The following ABHD12 variants were observed in gnomAD, a reference collection of about 807,000 sequenced individuals.
ABHD12 encodes the protein lysophosphatidylserine lipase ABHD12.
ABHD12 carries 43 observed loss-of-function variants against 58.3 expected under a neutral mutation model. The observed-to-expected ratio is 0.74, with a 90% confidence interval of 0.58 to 0.95. ABHD12 has a LOEUF of 0.95. Among genes scored for constraint, ABHD12 ranks in the 40% least tolerant of loss-of-function variants. The probability of loss-of-function intolerance (pLI) is 0.00; values close to 1 mark genes in which losing one functional copy is unlikely to be tolerated. For synonymous variants in ABHD12, 219 were observed against 211.2 expected (o/e 1.04, Z -0.32); for missense variants, 539 against 537.2 (o/e 1.00, Z -0.03).
At chr20:25,343,938 G>A (rs1332554282) in intron 1 of ABHD12, among the ~76,000 whole-genome samples, 1 of 152,188 alleles carries the variant, frequency 6.6e-6, no homozygotes, top group Non-Finnish European at 1.5e-5. Context: ...AGTGGGATTT[G>A]TCCCAGGTAT....
chr20:25,389,478 T>C (rs936909505), intron 1 of ABHD12, among the ~76,000 whole-genome samples: 1 of 152,180 alleles, frequency 6.6e-6, no homozygotes, highest in African/African-American at 2.4e-5. Context: ...GTGCCTCTGC[T>C]ACAACGCCTG....
At chr20:25,322,675 G>A (rs557601307) in intron 3 of ABHD12, among the ~76,000 whole-genome samples, 13 of 151,118 alleles carry the variant, frequency 8.6e-5, no homozygotes, top group South Asian at 6.3e-4. Context: ...GTGAGCCACC[G>A]CGCCTGGATG....
chr20:25,298,630 AAC>A (rs376913766), downstream of ABHD12, among the ~76,000 whole-genome samples: 69 of 152,318 alleles, frequency 4.5e-4, no homozygotes, highest in South Asian at 0.013. Flanking sequence ...GGGGATAAGA[AAC>A]ACACACACCT....
intron 3 of ABHD12, among the ~76,000 whole-genome samples, chr20:25,320,543 A>G (rs1342253862): frequency 2.0e-5 from 3 of 152,238 alleles, no homozygotes; most frequent in Admixed American, 6.5e-5. Context: ...TGACAGCTTC[A>G]GCAGGAGCGT....
intron 12 of ABHD12, chr20:25,295,108 A>G: frequency 1.4e-6 from 2 of 1,416,158 alleles, no homozygotes; most frequent in Non-Finnish European, 2.0e-6. Context: ...AGTGAACAGA[A>G]ATGCATTTGT....
chr20:25,304,712 C>T (rs1353202339), intron 10 of ABHD12, among the ~76,000 whole-genome samples: 1 of 151,930 alleles, frequency 6.6e-6, no homozygotes. Context: ...GGACTACAGG[C>T]GTGCACCACC....
intron 1 of ABHD12, among the ~76,000 whole-genome samples, chr20:25,386,351 C>T (rs1346041753): frequency 1.3e-5 from 2 of 150,130 alleles, no homozygotes; most frequent in African/African-American, 2.4e-5. Context: ...CTCCACCTCC[C>T]GGATTCATGC....
chr20:25,360,227 CTTTTTTTTTTTTTTT>C (rs576215687), intron 1 of ABHD12, among the ~76,000 whole-genome samples: 5 of 37,392 alleles, frequency 1.3e-4, no homozygotes, highest in East Asian at 8.8e-4. Context: ...GAACACGTTA[CTTTTTTTTTTTTTTT>C]TTTTTTTTTT....
chr20:25,331,538 T>G (rs532673359), intron 2 of ABHD12, among the ~76,000 whole-genome samples: 6 of 151,708 alleles, frequency 4.0e-5, no homozygotes, highest in Non-Finnish European at 8.8e-5. Flanking sequence ...GGAAAAAATG[T>G]TAAGGGCAGC....
chr20:25,353,505 A>G (rs1429901720), intron 1 of ABHD12, among the ~76,000 whole-genome samples: 1 of 152,214 alleles, frequency 6.6e-6, no homozygotes, highest in Non-Finnish European at 1.5e-5. Flanking sequence ...TGCAGCACTC[A>G]GGAGGGCACA....
At chr20:25,389,671 T>A (rs2090142626) in intron 1 of ABHD12, among the ~76,000 whole-genome samples, 1 of 152,178 alleles carries the variant, frequency 6.6e-6, no homozygotes. Context: ...CGCATTCATC[T>A]TCTACCCAAT....
At chr20:25,344,198 G>GT (rs2089489750) in intron 1 of ABHD12, among the ~76,000 whole-genome samples, 1 of 152,016 alleles carries the variant, frequency 6.6e-6, no homozygotes, top group South Asian at 2.1e-4. Flanking sequence ...CTAAGATTAG[G>GT]AACAAAGCAA....
In ABHD12 at chr20:25,319,357, T is replaced by A. The variant is rs146153706; in HGVS notation, c.542+842A>T. Among the ~76,000 whole-genome samples, 69 of 152,288 alleles carry A rather than the reference T, an allele frequency of 4.5e-4. 1 individual carries two copies. The East Asian group carries it at 0.013, about 28-fold the overall frequency. ...TCAGGAAAAGCATCTGAGATAAAACTGGGCAGGGCTGATTAACCAAAGAGT... is the reference window on the plus strand; with the variant it reads ...TCAGGAAAAGCATCTGAGATAAAACAGGGCAGGGCTGATTAACCAAAGAGT... On this transcript the variant is annotated intron_variant, in intron 4 of 12. Transcript: ENST00000339157.
At chr20:25,330,812 G>C (rs1224048035) in intron 2 of ABHD12, among the ~76,000 whole-genome samples, 10 of 152,144 alleles carry the variant, frequency 6.6e-5, no homozygotes, top group East Asian at 1.9e-4. Context: ...AAACCCATCT[G>C]TACATCACCA....
chr20:25,366,130 G>T (rs1212619670), intron 1 of ABHD12, among the ~76,000 whole-genome samples: 1 of 151,992 alleles, frequency 6.6e-6, no homozygotes, highest in Non-Finnish European at 1.5e-5. Flanking sequence ...TTTTCATTGG[G>T]CCTTGAACTT....
chr20:25,317,545 T>C (rs1600787974), intron 4 of ABHD12, among the ~76,000 whole-genome samples: 1 of 152,208 alleles, frequency 6.6e-6, no homozygotes, highest in Admixed American at 6.5e-5. Context: ...CATGGTCATC[T>C]TGACTGTTTC....
intron 1 of ABHD12, among the ~76,000 whole-genome samples, chr20:25,361,715 G>C (rs940456418): frequency 7.9e-5 from 12 of 152,184 alleles, no homozygotes; most frequent in Non-Finnish European, 1.5e-5. Context: ...TAGCACTTTG[G>C]GAGGCCGAGA....
At position 25,300,678 on chromosome 20, in the gene ABHD12, G is replaced by T; in HGVS notation, c.*167C>A. On this transcript the variant is annotated 3_prime_UTR_variant, in exon 13 of 13. Transcript: ENST00000339157. The stretch of plus-strand genomic sequence containing the variant: ...CATGCTCAGGCCTCCGGGCACTGCA[G>T]GCCTGCAGGGGCCTCCCCGCCTGGG... The T allele has an allele frequency of 6.5e-7, 1 of 1,527,446 alleles. No homozygotes were observed. The highest frequency in any genetic ancestry group is 1.2e-5 in the South Asian group (1 of 82,380). The allele number at this position is 1,527,446 out of a possible 1,614,324, so 94.6% of individuals were successfully genotyped here.
intron 6 of ABHD12, 45 bp downstream of exon 6, chr20:25,314,880 A>C: frequency 6.2e-7 from 1 of 1,608,910 alleles, no homozygotes; most frequent in Non-Finnish European, 8.5e-7. Flanking sequence ...TACCGCCAGC[A>C]AGCAGTGGAA....
Sources: gnomAD v4.1 joint callset for allele counts (sites outside exome capture counted in the v4.1 genomes callset) on GRCh38, gnomAD v4.1.1 for gene constraint, MANE v1.5 for transcripts, NCBI Gene and HGNC (gene_info 2026-07-23, HGNC 2026-07-21) for gene names.